KCNH1: variants seen among roughly 807,000 people sequenced by gnomAD.
KCNH1 encodes the protein voltage-gated delayed rectifier potassium channel KCNH1.
Under a neutral mutation model 69.2 loss-of-function variants are expected in KCNH1, and 27 were observed. That is an observed-to-expected ratio of 0.39 (90% CI 0.29 to 0.54). The LOEUF is 0.54. KCNH1 is among the 20% of genes least tolerant of loss of function. The pLI is 0.68. For synonymous variants in KCNH1, 456 were observed against 487.7 expected, an observed-to-expected ratio of 0.93 and a Z score of 0.86; for missense variants, 798 against 1,261.6, an observed-to-expected ratio of 0.63 and a Z score of 5.57.
chr1:211,099,110 A>C (rs995110547), intron 3 of KCNH1, among the ~76,000 whole-genome samples: 1 of 152,184 alleles, frequency 6.6e-6, no homozygotes, highest in Non-Finnish European at 1.5e-5. Flanking sequence ...AACATTAATA[A>C]AATTCTTTCT....
At chr1:211,062,813 C>A (rs1308667771) in intron 5 of KCNH1, among the ~76,000 whole-genome samples, 1 of 152,140 alleles carries the variant, frequency 6.6e-6, no homozygotes, top group Non-Finnish European at 1.5e-5. Flanking sequence ...ATAACAAATT[C>A]TGGTGAGGAT....
At chr1:211,109,989 A>G (rs928646215) in intron 1 of KCNH1, among the ~76,000 whole-genome samples, 5 of 151,956 alleles carry the variant, frequency 3.3e-5, no homozygotes, top group Admixed American at 3.3e-4. Context: ...GTCTTACAGA[A>G]AGTAGTACAG....
chr1:211,016,034 G>A (rs947869670), intron 6 of KCNH1, among the ~76,000 whole-genome samples: 9 of 152,148 alleles, frequency 5.9e-5, no homozygotes, highest in Admixed American at 4.6e-4. Context: ...CAATGAGAAA[G>A]CTACAGATAA....
chr1:210,781,348 G>T (rs1166305152), intron 9 of KCNH1, among the ~76,000 whole-genome samples: 3 of 152,032 alleles, frequency 2.0e-5, no homozygotes, highest in Non-Finnish European at 1.5e-5. Context: ...GTACAGTAAG[G>T]GTTGCCCTCC....
At chr1:210,866,463 G>C (rs972999411) in intron 7 of KCNH1, among the ~76,000 whole-genome samples, 2 of 152,052 alleles carry the variant, frequency 1.3e-5, no homozygotes, top group Non-Finnish European at 2.9e-5. Flanking sequence ...AATCTAAATA[G>C]ACATTTCTCC....
intron 6 of KCNH1, among the ~76,000 whole-genome samples, chr1:211,008,418 AAAC>A (rs553658150): frequency 1.4e-4 from 21 of 152,342 alleles, no homozygotes; most frequent in African/African-American, 5.1e-4. Context: ...TTATTTTATT[AAAC>A]CACTAAGTTT....
chr1:210,820,018 G>A (rs1040565491), intron 7 of KCNH1, among the ~76,000 whole-genome samples: 4 of 152,222 alleles, frequency 2.6e-5, no homozygotes, highest in Non-Finnish European at 4.4e-5. Context: ...GATAACAGAA[G>A]CAATAGCCAA....
intron 5 of KCNH1, among the ~76,000 whole-genome samples, chr1:211,036,841 C>A (rs574867005): frequency 1.3e-5 from 2 of 152,252 alleles, no homozygotes; most frequent in East Asian, 3.9e-4. Flanking sequence ...GTCCTATTCC[C>A]CCAGTCAGAC....
chr1:210,766,816 A>G (rs913243274), intron 10 of KCNH1, among the ~76,000 whole-genome samples: 2 of 152,216 alleles, frequency 1.3e-5, no homozygotes, highest in African/African-American at 4.8e-5. Context: ...CTGCACGGAC[A>G]TTTGGTCTGG....
intron 1 of KCNH1, among the ~76,000 whole-genome samples, chr1:211,112,501 T>TAAAAAAAA (rs74258707): frequency 7.1e-4 from 89 of 125,656 alleles, no homozygotes; most frequent in East Asian, 1.6e-3. Flanking sequence ...ATTAAATAAA[T>TAAAAAAAA]AAAAAAAAAA....
chr1:210,890,461 T>C (rs751948885), intron 7 of KCNH1, among the ~76,000 whole-genome samples: 1 of 152,034 alleles, frequency 6.6e-6, no homozygotes, highest in Non-Finnish European at 1.5e-5. Context: ...ACCTAGGCAA[T>C]ACTATTCAGG....
intron 7 of KCNH1, among the ~76,000 whole-genome samples, chr1:210,831,361 A>G (rs1685158854): frequency 6.6e-6 from 1 of 152,230 alleles, no homozygotes; most frequent in South Asian, 2.1e-4. Flanking sequence ...AAATTCTTTT[A>G]CTAGGCATAA....
intron 10 of KCNH1, among the ~76,000 whole-genome samples, chr1:210,689,457 T>C (rs991247926): frequency 1.3e-5 from 2 of 152,124 alleles, no homozygotes; most frequent in African/African-American, 4.8e-5. Flanking sequence ...AGCAAGACGA[T>C]GTGGGGAGGG....
intron 7 of KCNH1, among the ~76,000 whole-genome samples, chr1:210,918,621 C>T (rs1241874614): frequency 6.6e-6 from 1 of 152,190 alleles, no homozygotes; most frequent in Non-Finnish European, 1.5e-5. Context: ...ATCTAAGTAT[C>T]TTCCTCAAGA....
chr1:210,861,032 T>C (rs1013219500), intron 7 of KCNH1: 1 of 1,053,400 alleles, frequency 9.5e-7, no homozygotes, highest in Admixed American at 1.7e-5. Flanking sequence ...AAGAATCTGG[T>C]AACAAAATCC....
chr1:211,049,104 G>A (rs1378199886), intron 5 of KCNH1, among the ~76,000 whole-genome samples: 1 of 152,094 alleles, frequency 6.6e-6, no homozygotes, highest in African/African-American at 2.4e-5. Flanking sequence ...AATAAAAACA[G>A]CCATTAACTG....
intron 10 of KCNH1, among the ~76,000 whole-genome samples, chr1:210,769,832 G>A (rs1316502644): frequency 6.6e-6 from 1 of 152,110 alleles, no homozygotes; most frequent in African/African-American, 2.4e-5. Context: ...AGAAATGTCT[G>A]GTTATTAACC....
chr1:210,891,032 A>T (rs1049305731), intron 7 of KCNH1, among the ~76,000 whole-genome samples: 5 of 152,208 alleles, frequency 3.3e-5, no homozygotes, highest in Admixed American at 2.6e-4. Context: ...CAGCCATCCC[A>T]TTACTGGGTA....
chr1:210,839,236 G>C (rs1318829848), intron 7 of KCNH1, among the ~76,000 whole-genome samples: 1 of 152,176 alleles, frequency 6.6e-6, no homozygotes, highest in East Asian at 1.9e-4. Context: ...GCCGTTAAAA[G>C]GAATGAGATA....
Sources: gnomAD v4.1 joint callset for allele counts (sites outside exome capture counted in the v4.1 genomes callset) on GRCh38, gnomAD v4.1.1 for gene constraint, MANE v1.5 for transcripts, NCBI Gene and HGNC (gene_info 2026-07-23, HGNC 2026-07-21) for gene names.